Variants in CCL5 observed in about 807,000 individuals in gnomAD.
CCL5 encodes C-C motif chemokine 5.
In CCL5, 5 loss-of-function variants were observed where a neutral mutation model predicts 9.0. The observed-to-expected ratio is 0.55, with a 90% CI of 0.29 to 1.16. CCL5 has a LOEUF of 1.16. Ranked by LOEUF, CCL5 falls within the 50% of genes most tolerant of loss-of-function variation. The pLI, the probability that CCL5 is intolerant of heterozygous loss-of-function variation, is 0.08. For synonymous variants in CCL5, 66 were observed against 72.0 expected, an observed-to-expected ratio of 0.92 and a Z score of 0.42; for missense variants, 183 against 183.2, an observed-to-expected ratio of 1.00 and a Z score of 0.01.
chr17:35,873,126 G>A (rs968233662), intron 3 of CCL5, among the ~76,000 whole-genome samples: 1 of 151,636 alleles, frequency 6.6e-6, no homozygotes, highest in African/African-American at 2.4e-5. Context: ...CTAACCTCAG[G>A]TGATCCACCC....
rs764274871 is a variant in CCL5, at chr17:35,878,648, G to A, written c.77-9C>T. On this transcript the variant is annotated splice_polypyrimidine_tract_variant and intron_variant, in intron 1 of 3. Coordinates refer to ENST00000651122, the MANE Select transcript of CCL5 (RefSeq NM_001278736.2). ...TGTGGTGTCCGAGGAATCTGGAAGAGGAAAGGAAGGAGGGAGACCCTTTTA... is the reference window on the plus strand; with the variant it reads ...TGTGGTGTCCGAGGAATCTGGAAGAAGAAAGGAAGGAGGGAGACCCTTTTA... The A allele has an allele frequency of 1.3e-6, 2 of 1,575,864 alleles. No homozygotes were observed. Among genetic ancestry groups the A allele is most frequent in the South Asian group, 1.1e-5 (1 of 89,414 alleles).
At position 35,878,617 on chromosome 17, in the gene CCL5, G is replaced by A. The variant is rs1396849583; in HGVS notation, c.99C>T (p.Cys33=). 6.2e-7 allele frequency: 1 copy of A among 1,613,416 alleles called. No homozygotes were observed. Among genetic ancestry groups the A allele is most frequent in the Non-Finnish European group, 8.5e-7 (1 of 1,179,546 alleles). ...GTGGGCGGGCAATGTAGGCAAAGCA[G>A]CAGGGTGTGGTGTCCGAGGAATCTG... The change falls in exon 2 of 4, where the codon TGC becomes TGT. Residue 33 remains cysteine, a synonymous_variant. Transcript: ENST00000651122.
rs1021182092 is a variant in CCL5, at chr17:35,872,888, CT to C, written c.271-425del. 8.7e-4 allele frequency among the ~76,000 whole-genome samples: 127 copies of C among 146,150 alleles called. 1 individual carries two copies. Among genetic ancestry groups the C allele is most frequent in the African/African-American group, 2.3e-3 (91 of 39,862 alleles). ...TTGAATAAGTGGGAGACAAGAAGTT[CT>C]TTTTTTTTTTATTTTTTGAGATGGA... On this transcript the variant is annotated intron_variant, in intron 3 of 3. Coordinates refer to ENST00000651122, the MANE Select transcript of CCL5 (RefSeq NM_001278736.2).
At chr17:35,880,079 G>A (rs1319197284) in intron 1 of CCL5, 151 bp downstream of exon 1, 3 of 691,818 alleles carry the variant, frequency 4.3e-6, no homozygotes, top group Admixed American at 2.1e-5. Context: ...ATATGGGTAA[G>A]ACAATTCATA....
intron 2 of CCL5, among the ~76,000 whole-genome samples, chr17:35,877,243 CTCACACCT>C (rs2088451674): frequency 6.6e-6 from 1 of 152,132 alleles, no homozygotes; most frequent in Non-Finnish European, 1.5e-5. Flanking sequence ...GGTACAGTAG[CTCACACCT>C]GTAATCCCAG....
In CCL5 at chr17:35,875,652, C is replaced by T; in HGVS notation, c.189-10G>A. On this transcript the variant is annotated splice_polypyrimidine_tract_variant and intron_variant, in intron 2 of 3. Coordinates refer to ENST00000651122, the MANE Select transcript of CCL5 (RefSeq NM_001278736.2). ...CATCCTTGACCTGTGGCTAGGAAGT[C>T]AAAAGGCCAGGAAAACAATACCTGA... is the stretch of plus-strand genomic sequence containing the variant. The T allele has an allele frequency of 1.0e-6, 1 of 983,130 alleles. No homozygotes were observed. The highest frequency in any genetic ancestry group is 1.2e-6 in the Non-Finnish European group (1 of 827,876). The allele number at this position is 983,130 out of a possible 1,614,324, so 60.9% of individuals were successfully genotyped here.
At chr17:35,874,767 C>T (rs9912552) in intron 3 of CCL5, among the ~76,000 whole-genome samples, 4 of 151,964 alleles carry the variant, frequency 2.6e-5, no homozygotes, top group Non-Finnish European at 4.4e-5. Flanking sequence ...TGCGCCACCA[C>T]GCCCAGCTAA....
intron 3 of CCL5, among the ~76,000 whole-genome samples, chr17:35,874,512 G>C (rs2088416435): frequency 6.6e-6 from 1 of 152,028 alleles, no homozygotes. Flanking sequence ...CGTTGCCCAG[G>C]TTGGTCTCAA....
At chr17:35,879,062 T>C (rs1238663219) in intron 1 of CCL5, among the ~76,000 whole-genome samples, 1 of 152,228 alleles carries the variant, frequency 6.6e-6, no homozygotes, top group African/African-American at 2.4e-5. Context: ...GAGATGCATA[T>C]TGTATCTTGG....
At chr17:35,877,674 T>C (rs2088458183) in intron 2 of CCL5, among the ~76,000 whole-genome samples, 1 of 152,238 alleles carries the variant, frequency 6.6e-6, no homozygotes, top group South Asian at 2.1e-4. Flanking sequence ...ATTTGACACA[T>C]AGTAGGCATT....
intron 1 of CCL5, among the ~76,000 whole-genome samples, chr17:35,878,876 T>C (rs1442946762): frequency 6.6e-6 from 1 of 152,200 alleles, no homozygotes; most frequent in African/African-American, 2.4e-5. Context: ...CATAACCTTC[T>C]GCCCTGGGCT....
At chr17:35,880,122 A>G in intron 1 of CCL5, 108 bp downstream of exon 1, 1 of 815,458 alleles carries the variant, frequency 1.2e-6, no homozygotes, top group Non-Finnish European at 2.1e-6. Context: ...GACAGTATTC[A>G]TGCTACAGTT....
At chr17:35,877,731 C>T (rs1453683555) in intron 2 of CCL5, among the ~76,000 whole-genome samples, 1 of 152,164 alleles carries the variant, frequency 6.6e-6, no homozygotes, top group Non-Finnish European at 1.5e-5. Flanking sequence ...TACTAGCTTG[C>T]ATATTTAAAG....
chr17:35,875,313 C>G (rs1486172539), intron 3 of CCL5, among the ~76,000 whole-genome samples: 1 of 152,020 alleles, frequency 6.6e-6, no homozygotes, highest in Admixed American at 6.6e-5. Flanking sequence ...TTGGATGTAT[C>G]CTGCACATTC....
At position 35,872,544 on chromosome 17, in the gene CCL5, G is replaced by A; in HGVS notation, c.271-80C>T. ...CAGTTTGGGGGATGAAGTGGATTAA[G>A]GTATAAAGGGAAATTATGATGATAT... is the stretch of plus-strand genomic sequence containing the variant. On this transcript the variant is annotated intron_variant, in intron 3 of 3. Transcript: ENST00000651122. 2.6e-6 allele frequency: 3 copies of A among 1,138,984 alleles called. No homozygotes were observed. In the South Asian group the frequency reaches 3.7e-5, roughly 14 times the overall value. The allele number at this position is 1,138,984 out of a possible 1,614,324, so 70.6% of individuals were successfully genotyped here.
chr17:35,871,522 G>C lies in CCL5; in HGVS notation c.*748C>G, dbSNP rs1301743857. The C allele has an allele frequency of 6.6e-6, 1 of 152,280 alleles. No homozygotes were observed. Among genetic ancestry groups the C allele is most frequent in the Non-Finnish European group, 1.5e-5 (1 of 68,108 alleles). 9.4% of individuals were successfully genotyped at this position (152,280 alleles called of 1,614,324 possible). On this transcript the variant is annotated 3_prime_UTR_variant, in exon 4 of 4. Coordinates refer to ENST00000651122, the MANE Select transcript of CCL5 (RefSeq NM_001278736.2). The stretch of plus-strand genomic sequence containing the variant: ...GTTGCATTGAGAACTTTAATGGTAA[G>C]CCGATTTTTCATGTTTGCCAGTAAG...
At chr17:35,876,608 T>C (rs1022828742) in intron 2 of CCL5, among the ~76,000 whole-genome samples, 1 of 152,222 alleles carries the variant, frequency 6.6e-6, no homozygotes, top group Non-Finnish European at 1.5e-5. Context: ...CTTCAGGCAC[T>C]GTTCAGCCTC....
chr17:35,875,210 TGTG>T (rs775052564), intron 3 of CCL5, among the ~76,000 whole-genome samples: 3 of 152,246 alleles, frequency 2.0e-5, no homozygotes, highest in Non-Finnish European at 2.9e-5. Context: ...ATTAAGCTCT[TGTG>T]GTTCTCCTGA....
intron 2 of CCL5, among the ~76,000 whole-genome samples, chr17:35,878,238 G>A (rs1012977502): frequency 7.8e-5 from 11 of 140,504 alleles, no homozygotes; most frequent in Admixed American, 6.1e-4. Context: ...AGCCGAGATC[G>A]TGCCGGTGCA....
Sources: gnomAD v4.1 joint callset for allele counts (sites outside exome capture counted in the v4.1 genomes callset) on GRCh38, gnomAD v4.1.1 for gene constraint, MANE v1.5 for transcripts, NCBI Gene and HGNC (gene_info 2026-07-23, HGNC 2026-07-21) for gene names.